ST3GAL3: variants seen among roughly 807,000 people sequenced by gnomAD.
The protein encoded by ST3GAL3 is CMP-N-acetylneuraminate-beta-1,4-galactoside alpha-2,3-sialyltransferase.
Under a neutral mutation model 50.1 loss-of-function variants are expected in ST3GAL3, and 21 were observed. That is an observed-to-expected ratio of 0.42 (90% CI 0.30 to 0.60). ST3GAL3 has a LOEUF of 0.60. Among genes scored for constraint, ST3GAL3 ranks in the 20% least tolerant of loss-of-function variants. ST3GAL3 has a pLI of 0.19. For missense variants in ST3GAL3, 353 were observed against 489.4 expected (o/e 0.72, Z 2.63); for synonymous variants, 183 against 190.0 (o/e 0.96, Z 0.30).
chr1:43,780,704 A>G (rs759449975), intron 2 of ST3GAL3, among the ~76,000 whole-genome samples: 1 of 150,258 alleles, frequency 6.7e-6, no homozygotes, highest in Non-Finnish European at 1.5e-5. Context: ...TTCATTTTCC[A>G]GGGTTACTTT....
chr1:43,830,139 C>T (rs1213198112), intron 4 of ST3GAL3, among the ~76,000 whole-genome samples: 2 of 151,252 alleles, frequency 1.3e-5, no homozygotes, highest in African/African-American at 4.9e-5. Flanking sequence ...CCAAGCAATC[C>T]TTACAACCTC....
chr1:43,930,720 T>G lies in ST3GAL3; in HGVS notation c.*499T>G. ...GTGCCAGGACCAGCCTGTACCTTGC[T>G]GTGGGGCTACAGGATGGTGGGCAGG... is the stretch of plus-strand genomic sequence containing the variant. On this transcript the variant is annotated 3_prime_UTR_variant, in exon 12 of 12. Transcript: ENST00000347631. 1 of 239,760 alleles carries G rather than the reference T, an allele frequency of 4.2e-6. No individual in the cohort carries two copies. Among genetic ancestry groups the G allele is most frequent in the Non-Finnish European group, 8.4e-6 (1 of 119,204 alleles). The allele number at this position is 239,760 out of a possible 1,614,324, so 14.9% of individuals were successfully genotyped here.
At chr1:43,868,245 G>C (rs2071807483) in intron 5 of ST3GAL3, among the ~76,000 whole-genome samples, 1 of 146,984 alleles carries the variant, frequency 6.8e-6, no homozygotes, top group African/African-American at 2.6e-5. Context: ...TTAAAAAGCA[G>C]GTTATGGGAC....
intron 5 of ST3GAL3, among the ~76,000 whole-genome samples, chr1:43,889,374 A>G (rs934980181): frequency 6.6e-6 from 1 of 152,214 alleles, no homozygotes; most frequent in Non-Finnish European, 1.5e-5. Context: ...TTAATTGTGT[A>G]ACTAGGCAAA....
chr1:43,849,265 G>A (rs1264567888), intron 5 of ST3GAL3, among the ~76,000 whole-genome samples: 2 of 150,592 alleles, frequency 1.3e-5, no homozygotes, highest in Middle Eastern at 3.4e-3. Flanking sequence ...TGGGTAGCTA[G>A]TATTTCTTGG....
intron 5 of ST3GAL3, among the ~76,000 whole-genome samples, chr1:43,864,982 G>A (rs774141350): frequency 3.3e-5 from 5 of 151,438 alleles, no homozygotes; most frequent in Admixed American, 6.6e-5. Flanking sequence ...TTTTTTTTCC[G>A]ATTTCTTCCT....
At chr1:43,919,960 GC>G (rs2154294685) in intron 9 of ST3GAL3, 2 of 330,704 alleles carry the variant, frequency 6.0e-6, no homozygotes, top group South Asian at 5.8e-5. Flanking sequence ...GATGGAGAGA[GC>G]CAGGAGAGAG....
At chr1:43,869,714 C>T (rs1398033500) in intron 5 of ST3GAL3, among the ~76,000 whole-genome samples, 3 of 152,200 alleles carry the variant, frequency 2.0e-5, no homozygotes, top group Non-Finnish European at 4.4e-5. Context: ...GGCAAGGTAG[C>T]TGTCATTCTG....
At chr1:43,897,021 C>A (rs1282958930) in intron 6 of ST3GAL3, among the ~76,000 whole-genome samples, 1 of 132,064 alleles carries the variant, frequency 7.6e-6, no homozygotes, top group Non-Finnish European at 1.6e-5. Context: ...TTGGTACATA[C>A]AGCTGTAGGT....
chr1:43,738,521 A>T (rs1571835653), intron 2 of ST3GAL3: 1 of 146,940 alleles, frequency 6.8e-6, no homozygotes, highest in African/African-American at 2.5e-5. Flanking sequence ...TTTTGAGATG[A>T]GGTCTCACTC....
chr1:43,793,718 T>C (rs1340246069), intron 3 of ST3GAL3, among the ~76,000 whole-genome samples: 3 of 152,202 alleles, frequency 2.0e-5, no homozygotes, highest in African/African-American at 4.8e-5. Flanking sequence ...ATTTGTATAG[T>C]AAAAGATTGG....
At chr1:43,866,479 G>A (rs1218178256) in intron 5 of ST3GAL3, among the ~76,000 whole-genome samples, 1 of 152,068 alleles carries the variant, frequency 6.6e-6, no homozygotes, top group African/African-American at 2.4e-5. Context: ...AGCTACTCGA[G>A]AGGCTGAGGT....
At chr1:43,822,971 T>G (rs1277169657) in intron 4 of ST3GAL3, among the ~76,000 whole-genome samples, 1 of 152,172 alleles carries the variant, frequency 6.6e-6, no homozygotes, top group African/African-American at 2.4e-5. Context: ...TTCCAATTGC[T>G]CACATCAAAT....
At chr1:43,723,319 G>C (rs1462414687) in intron 1 of ST3GAL3, among the ~76,000 whole-genome samples, 2 of 152,028 alleles carry the variant, frequency 1.3e-5, no homozygotes, top group East Asian at 3.9e-4. Flanking sequence ...ATGTTGGCCA[G>C]ACTGGTCTCA....
chr1:43,851,426 A>G, intron 5 of ST3GAL3: 2 of 1,611,754 alleles, frequency 1.2e-6, no homozygotes, highest in Non-Finnish European at 1.7e-6. Flanking sequence ...GGTCCAGCTT[A>G]TAGGCCTGCA....
At chr1:43,816,967 C>T (rs2061319380) in intron 4 of ST3GAL3, among the ~76,000 whole-genome samples, 1 of 152,164 alleles carries the variant, frequency 6.6e-6, no homozygotes, top group African/African-American at 2.4e-5. Context: ...AGAGAAGTTT[C>T]CAAGTTAAGG....
chr1:43,874,299 C>T (rs1010673815), intron 5 of ST3GAL3, among the ~76,000 whole-genome samples: 2 of 152,058 alleles, frequency 1.3e-5, no homozygotes, highest in East Asian at 1.9e-4. Context: ...GAAAGTAATA[C>T]GTGACCTTAA....
At chr1:43,764,099 G>A (rs1040229718) in intron 2 of ST3GAL3, among the ~76,000 whole-genome samples, 3 of 152,092 alleles carry the variant, frequency 2.0e-5, no homozygotes, top group Non-Finnish European at 4.4e-5. Flanking sequence ...AATAGTACAA[G>A]GTATCAGCAC....
intron 11 of ST3GAL3, chr1:43,921,453 A>G (rs947812424): frequency 1.5e-5 from 6 of 405,920 alleles, no homozygotes; most frequent in Non-Finnish European, 2.6e-5. Flanking sequence ...CCAAGACCCC[A>G]TGTGGAAAAT....
Sources: gnomAD v4.1 joint callset for allele counts (sites outside exome capture counted in the v4.1 genomes callset) on GRCh38, gnomAD v4.1.1 for gene constraint, MANE v1.5 for transcripts, NCBI Gene and HGNC (gene_info 2026-07-23, HGNC 2026-07-21) for gene names.